CDK12: variants seen among roughly 807,000 people sequenced by gnomAD.
CDK12 encodes the protein cyclin-dependent kinase 12.
CDK12 carries 17 observed loss-of-function variants against 133.8 expected under a neutral mutation model. The ratio of observed to expected loss-of-function variants is 0.13; its 90% CI spans 0.09 to 0.19. The LOEUF (loss-of-function observed/expected upper bound fraction) is 0.19, where lower values mean the gene tolerates loss of function less well. Among genes scored for constraint, CDK12 ranks in the 10% least tolerant of loss-of-function variants. The probability of loss-of-function intolerance (pLI) is 1.00; values close to 1 mark genes in which losing one functional copy is unlikely to be tolerated. For synonymous variants in CDK12, 694 were observed against 683.6 expected, an observed-to-expected ratio of 1.02 and a Z score of -0.24; for missense variants, 1,508 against 1,818.7, an observed-to-expected ratio of 0.83 and a Z score of 3.11.
chr17:39,466,615 GAAAAAAAAAAAAAAAAAAAA>G (rs71147339), intron 1 of CDK12, among the ~76,000 whole-genome samples: 47 of 31,476 alleles, frequency 1.5e-3, no homozygotes, highest in Admixed American at 8.1e-3. Flanking sequence ...AACTCTATCT[GAAAAAAAAAAAAAAAAAAAA>G]AAAAAAAAAA....
intron 2 of CDK12, among the ~76,000 whole-genome samples, chr17:39,555,249 T>C (rs2144368703): frequency 6.6e-6 from 1 of 152,224 alleles, no homozygotes. Context: ...CGAGACTCTG[T>C]CTCAAAAAAT....
At chr17:39,473,507 C>T (rs948830284) in intron 2 of CDK12, among the ~76,000 whole-genome samples, 2 of 152,000 alleles carry the variant, frequency 1.3e-5, no homozygotes, top group Admixed American at 6.6e-5. Flanking sequence ...TCTGGAAAGC[C>T]GAGGTAGATA....
chr17:39,510,707 G>A (rs545205345), intron 7 of CDK12, among the ~76,000 whole-genome samples: 100 of 150,996 alleles, frequency 6.6e-4, no homozygotes, highest in African/African-American at 2.3e-3. Flanking sequence ...TCTGCCTCCC[G>A]GGTTCAAGCG....
rs1025889878 is a variant in CDK12, at chr17:39,532,470, A to C, written c.*1154A>C. The C allele has an allele frequency of 6.5e-5, 15 of 232,154 alleles. No homozygotes were observed. Among genetic ancestry groups the C allele is most frequent in the East Asian group, 3.6e-4 (6 of 16,554 alleles). 14.4% of individuals were successfully genotyped at this position (232,154 alleles called of 1,614,324 possible). A position where few individuals can be genotyped will look rare whatever the true frequency, so the allele number is the denominator to read the frequency against. On this transcript the variant is annotated 3_prime_UTR_variant, in exon 14 of 14. Transcript: ENST00000447079. Reference sequence around the variant, plus strand: ...ACATATATTTTTATGTCAAAAAAAAAACAAAAACCTTTCAAACAGAGCATT... The same window carrying C: ...ACATATATTTTTATGTCAAAAAAAACACAAAAACCTTTCAAACAGAGCATT...
intron 2 of CDK12, among the ~76,000 whole-genome samples, chr17:39,477,574 AT>A (rs200567677): frequency 0.042 from 5,640 of 133,336 alleles, 306 homozygotes; most frequent in African/African-American, 0.15. Flanking sequence ...TTTATTATTT[AT>A]TTTTTTTTTT....
chr17:39,477,427 G>A lies in CDK12; in HGVS notation c.1931+5664G>A, dbSNP rs1261914271. Among the ~76,000 whole-genome samples, 4 of 151,322 alleles carry A rather than the reference G, an allele frequency of 2.6e-5. No individual in the cohort carries two copies. In the Admixed American group the frequency reaches 2.6e-4, roughly 10 times the overall value. On this transcript the variant is annotated intron_variant, in intron 2 of 13. Transcript: ENST00000447079. ...ATTTTTTTGTATTTTTAGTAGAGAC[G>A]GGGTTTCACTGTGTTGGTCAGGCTG...
At chr17:39,536,910 A>T (rs1296232476), downstream of CDK12, among the ~76,000 whole-genome samples, 1 of 152,196 alleles carries the variant, frequency 6.6e-6, no homozygotes, top group African/African-American at 2.4e-5. Context: ...CCATGAAATA[A>T]ATTTACTTAG....
In CDK12 at chr17:39,502,994, A is replaced by G. The variant is rs561150739; in HGVS notation, c.2609+1555A>G. On this transcript the variant is annotated intron_variant, in intron 6 of 13. Transcript: ENST00000447079. ...TCTGTATTTGACAGGGATCAGCATC[A>G]CTTGAACCCAGGAGGTAGAGGTTAC... Among the ~76,000 whole-genome samples, 349 of 152,252 alleles carry G rather than the reference A, an allele frequency of 2.3e-3. 2 individuals carry two copies. Among genetic ancestry groups the G allele is most frequent in the African/African-American group, 7.9e-3 (330 of 41,558 alleles).
chr17:39,480,745 CAT>C lies in CDK12; in HGVS notation c.1931+8983_1931+8984del, dbSNP rs1410627585. Reference sequence around the variant, plus strand: ...GCCGAAACTTTTCTTTTCTTTCAAACATGTATTTTGAATAGGAGTGTACTAGC... The same window carrying C: ...GCCGAAACTTTTCTTTTCTTTCAAACGTATTTTGAATAGGAGTGTACTAGC... On this transcript the variant is annotated intron_variant, in intron 2 of 13. Transcript: ENST00000447079. Among the ~76,000 whole-genome samples, 49 of 152,078 alleles carry C rather than the reference CAT, an allele frequency of 3.2e-4. 1 individual carries two copies. The highest frequency in any genetic ancestry group is 5.8e-4 in the East Asian group (3 of 5,144).
intron 6 of CDK12, among the ~76,000 whole-genome samples, chr17:39,509,286 T>G (rs1397851434): frequency 2.0e-5 from 3 of 152,334 alleles, no homozygotes; most frequent in East Asian, 3.9e-4. Context: ...ATGCCCAGAC[T>G]GTTGGCCCTC....
At chr17:39,506,280 A>C (rs549772061) in intron 6 of CDK12, among the ~76,000 whole-genome samples, 1 of 133,564 alleles carries the variant, frequency 7.5e-6, no homozygotes, top group Non-Finnish European at 1.5e-5. Flanking sequence ...TAGTGGCGCT[A>C]TCTCGGCTCA....
intron 1 of CDK12, among the ~76,000 whole-genome samples, chr17:39,541,738 A>G (rs966842663): frequency 3.3e-5 from 5 of 152,188 alleles, no homozygotes; most frequent in African/African-American, 1.2e-4. Context: ...GTAGGCATCT[A>G]TAGGGGAGTT....
chr17:39,535,993 T>A (rs543485671), downstream of CDK12, among the ~76,000 whole-genome samples: 2 of 152,232 alleles, frequency 1.3e-5, no homozygotes, highest in South Asian at 4.1e-4. Context: ...TCCTGGACAC[T>A]TTGGTTAATT....
chr17:39,484,621 A>G (rs1017809084), intron 2 of CDK12, among the ~76,000 whole-genome samples: 2 of 152,202 alleles, frequency 1.3e-5, no homozygotes, highest in Non-Finnish European at 2.9e-5. Flanking sequence ...GGTAGGACAT[A>G]ACCTATCAAA....
rs914227865 is a variant in CDK12 at position 39,475,490 on chromosome 17, AAAGTAAT to A, written c.1931+3730_1931+3736del. 3.8e-4 allele frequency among the ~76,000 whole-genome samples: 58 copies of A among 152,200 alleles called. No individual in the cohort carries two copies. The East Asian group carries it at 9.3e-3, about 24-fold the overall frequency. Reference sequence around the variant, plus strand: ...TCTTTAAAAATAAAATTTTAATTAAAAAGTAATAACAAATTCTGCCACGTGATGAAAA... The same window carrying A: ...TCTTTAAAAATAAAATTTTAATTAAAAACAAATTCTGCCACGTGATGAAAA... On this transcript the variant is annotated intron_variant, in intron 2 of 13. Transcript: ENST00000447079.
chr17:39,491,695 TTATG>T (rs1004137719), intron 3 of CDK12, among the ~76,000 whole-genome samples: 9 of 151,656 alleles, frequency 5.9e-5, no homozygotes, highest in Admixed American at 4.0e-4. Context: ...GAGAGACTGT[TTATG>T]TATTTTTTTT....
intron 6 of CDK12, among the ~76,000 whole-genome samples, chr17:39,505,524 A>G: frequency 8.2e-5 from 1 of 12,134 alleles, no homozygotes; most frequent in African/African-American, 1.4e-4. Flanking sequence ...ACTCCGTCTC[A>G]AAAAAAAAAA....
intron 4 of CDK12, 76 bp downstream of exon 4, chr17:39,492,966 A>G: frequency 1.6e-6 from 2 of 1,262,024 alleles, no homozygotes; most frequent in Non-Finnish European, 2.2e-6. Flanking sequence ...TGGATTTAGC[A>G]AAAGTAAATT....
chr17:39,549,201 CAG>C (rs2055849993), upstream of CDK12: 1 of 152,270 alleles, frequency 6.6e-6, no homozygotes, highest in Non-Finnish European at 1.5e-5. Context: ...CGCTTGGGGC[CAG>C]AGGGCTTTGC....
Sources: allele counts gnomAD v4.1 joint callset (sites outside exome capture counted in the v4.1 genomes callset), GRCh38; gene constraint gnomAD v4.1.1; transcripts MANE v1.5; gene names NCBI Gene and HGNC (gene_info 2026-07-23, HGNC 2026-07-21).